The following GLIS1 variants were observed in gnomAD, a reference collection of about 807,000 sequenced individuals.
GLIS1 encodes the protein zinc finger protein GLIS1.
Under a neutral mutation model 63.8 loss-of-function variants are expected in GLIS1, and 24 were observed. The observed-to-expected ratio is 0.38, with a 90% CI of 0.27 to 0.53. The LOEUF (loss-of-function observed/expected upper bound fraction) is 0.53. Ranked by LOEUF, GLIS1 falls within the 20% of genes least tolerant of loss-of-function variation. The pLI is 0.85. For synonymous variants in GLIS1, 450 were observed against 482.5 expected (o/e 0.93, Z 0.88); for missense variants, 1,036 against 1,074.1 (o/e 0.96, Z 0.50).
At chr1:53,681,179 G>A (rs1646271006) in intron 2 of GLIS1, among the ~76,000 whole-genome samples, 1 of 152,262 alleles carries the variant, frequency 6.6e-6, no homozygotes, top group African/African-American at 2.4e-5. Flanking sequence ...CACACTGGCA[G>A]CTTCTTTTCT....
intron 4 of GLIS1, among the ~76,000 whole-genome samples, chr1:53,556,162 G>A (rs1236902628): frequency 7.0e-6 from 1 of 142,716 alleles, no homozygotes; most frequent in Non-Finnish European, 1.5e-5. Context: ...GCAGCTGTGT[G>A]TGTGTATGCA....
chr1:53,738,651 T>C (rs702488), intron 1 of GLIS1, among the ~76,000 whole-genome samples: 135,082 of 152,162 alleles, frequency 0.89, 60,149 homozygotes, highest in African/African-American at 0.95. Flanking sequence ...CACCCGAACC[T>C]GGAAAACAGG....
chr1:53,698,363 G>A (rs1208037330), intron 2 of GLIS1, among the ~76,000 whole-genome samples: 2 of 152,148 alleles, frequency 1.3e-5, no homozygotes, highest in East Asian at 1.9e-4. Context: ...GAGCCAACTC[G>A]AGCCTCTGCT....
At chr1:53,651,165 T>C in intron 2 of GLIS1, among the ~76,000 whole-genome samples, 1 of 152,364 alleles carries the variant, frequency 6.6e-6, no homozygotes, top group Non-Finnish European at 1.5e-5. Flanking sequence ...ATTCCACATA[T>C]GGGCAGAGCG....
intron 2 of GLIS1, among the ~76,000 whole-genome samples, chr1:53,657,695 C>A (rs1645982184): frequency 6.6e-6 from 1 of 152,106 alleles, no homozygotes; most frequent in African/African-American, 2.4e-5. Context: ...GTGTCTTGCC[C>A]CTCCAACCAG....
chr1:53,529,316 A>C (rs1644504387), intron 5 of GLIS1, among the ~76,000 whole-genome samples: 2 of 152,278 alleles, frequency 1.3e-5, no homozygotes, highest in South Asian at 4.1e-4. Flanking sequence ...AACGGACAAA[A>C]GACCACCCTG....
At chr1:53,582,350 C>T (rs1032859653) in intron 4 of GLIS1, among the ~76,000 whole-genome samples, 8 of 152,224 alleles carry the variant, frequency 5.3e-5, no homozygotes, top group Non-Finnish European at 7.3e-5. Context: ...GAAGGTGTGA[C>T]ATTTGAAACT....
At chr1:53,659,296 C>T (rs1646001120) in intron 2 of GLIS1, among the ~76,000 whole-genome samples, 1 of 152,312 alleles carries the variant, frequency 6.6e-6, no homozygotes, top group Middle Eastern at 3.4e-3. Context: ...GAGAAGCTCA[C>T]GGGCACTCAG....
rs539384902 is a variant in GLIS1 at position 53,690,750 on chromosome 1, C to A, written c.259+47056G>T. Among the ~76,000 whole-genome samples, 133 of 152,282 alleles carry A rather than the reference C, an allele frequency of 8.7e-4. 2 individuals carry two copies. In the South Asian group the frequency reaches 0.027, roughly 30 times the overall value. On this transcript the variant is annotated intron_variant, in intron 2 of 10. Transcript: ENST00000628545. ...AGACAGAGAAGGAGGAAAGGGCATT[C>A]CGGCAGAGGGGTTGGCATCACTGGA...
chr1:53,543,936 C>T (rs1335973599), intron 4 of GLIS1, among the ~76,000 whole-genome samples: 1 of 152,086 alleles, frequency 6.6e-6, no homozygotes, highest in Non-Finnish European at 1.5e-5. Context: ...GTTACATCCA[C>T]ACGGGAGAGC....
chr1:53,604,932 G>GTATA (rs1553128443), intron 2 of GLIS1, among the ~76,000 whole-genome samples: 1 of 36,262 alleles, frequency 2.8e-5, no homozygotes, highest in African/African-American at 3.7e-5. Flanking sequence ...GTGTGTGTGT[G>GTATA]TATATATATA....
At chr1:53,682,227 T>C (rs895939133) in intron 2 of GLIS1, among the ~76,000 whole-genome samples, 5 of 152,176 alleles carry the variant, frequency 3.3e-5, no homozygotes, top group African/African-American at 1.2e-4. Context: ...CCAGACCCGC[T>C]TGCAGCCATG....
At chr1:53,686,338 C>G (rs1025489583) in intron 2 of GLIS1, among the ~76,000 whole-genome samples, 4 of 152,310 alleles carry the variant, frequency 2.6e-5, no homozygotes, top group South Asian at 2.1e-4. Flanking sequence ...TTCTCCCCTC[C>G]GGCTCAGCCT....
intron 2 of GLIS1, among the ~76,000 whole-genome samples, chr1:53,694,267 G>A (rs1204083426): frequency 6.6e-6 from 1 of 152,168 alleles, no homozygotes; most frequent in Admixed American, 6.5e-5. Flanking sequence ...TGGGGGAGGG[G>A]TGACAAGGAG....
intron 4 of GLIS1, among the ~76,000 whole-genome samples, chr1:53,587,381 C>T (rs988293879): frequency 3.3e-5 from 5 of 152,172 alleles, no homozygotes; most frequent in African/African-American, 7.2e-5. Context: ...TTGCCCAAAA[C>T]AGGTCTCCTT....
intron 4 of GLIS1, among the ~76,000 whole-genome samples, chr1:53,554,455 T>C (rs1644796099): frequency 1.3e-5 from 2 of 152,106 alleles, no homozygotes; most frequent in South Asian, 2.1e-4. Flanking sequence ...GCTATTCACA[T>C]AGGTTAGCTT....
At chr1:53,722,436 A>G (rs1026265233) in intron 2 of GLIS1, among the ~76,000 whole-genome samples, 1 of 152,242 alleles carries the variant, frequency 6.6e-6, no homozygotes, top group African/African-American at 2.4e-5. Context: ...CTGAGAGGCC[A>G]GACAAAAGAG....
chr1:53,517,462 C>A (rs1340976507), intron 7 of GLIS1, among the ~76,000 whole-genome samples: 2 of 152,212 alleles, frequency 1.3e-5, no homozygotes, highest in African/African-American at 4.8e-5. Context: ...CTCCTTAGCA[C>A]CTCTTCGCCT....
chr1:53,533,075 C>T (rs546691327), intron 4 of GLIS1, among the ~76,000 whole-genome samples: 1 of 152,370 alleles, frequency 6.6e-6, no homozygotes, highest in East Asian at 1.9e-4. Flanking sequence ...ATTTCCATGC[C>T]CTCAGGCCTT....
Sources: gnomAD v4.1 joint callset for allele counts (sites outside exome capture counted in the v4.1 genomes callset) on GRCh38, gnomAD v4.1.1 for gene constraint, MANE v1.5 for transcripts, NCBI Gene and HGNC (gene_info 2026-07-23, HGNC 2026-07-21) for gene names.